Variants in RALGAPA2 observed in about 807,000 individuals in gnomAD.
RALGAPA2 encodes the protein ral GTPase-activating protein subunit alpha-2.
A neutral mutation model predicts 230.4 loss-of-function variants in RALGAPA2; 139 were observed. That is an observed-to-expected ratio of 0.60 (90% confidence interval 0.53 to 0.69). The LOEUF is 0.69. Ranked by LOEUF, RALGAPA2 falls within the 30% of genes least tolerant of loss-of-function variation. The probability of loss-of-function intolerance (pLI) is 0.00; values close to 1 mark genes in which losing one functional copy is unlikely to be tolerated. For missense variants in RALGAPA2, 2,163 were observed against 2,276.0 expected, an observed-to-expected ratio of 0.95 and a Z score of 1.01; for synonymous variants, 847 against 837.8, an observed-to-expected ratio of 1.01 and a Z score of -0.19.
intron 36 of RALGAPA2, among the ~76,000 whole-genome samples, chr20:20,484,524 C>T (rs183016382): frequency 6.6e-6 from 1 of 152,168 alleles, no homozygotes; most frequent in Non-Finnish European, 1.5e-5. Flanking sequence ...GAGCCAGACA[C>T]GGAAAGGGAT....
At chr20:20,605,478 A>C in intron 14 of RALGAPA2, 66 bp from the exon 15 acceptor site, 1 of 1,164,580 alleles carries the variant, frequency 8.6e-7, no homozygotes, top group Non-Finnish European at 1.2e-6. Context: ...CTTTTAAACA[A>C]AATGTTTTAA....
intron 37 of RALGAPA2, among the ~76,000 whole-genome samples, chr20:20,423,448 T>C (rs893100121): frequency 5.9e-5 from 9 of 152,244 alleles, no homozygotes; most frequent in African/African-American, 1.9e-4. Context: ...GAGACAGCCA[T>C]TTCCCAGATC....
intron 16 of RALGAPA2, among the ~76,000 whole-genome samples, chr20:20,598,059 G>C (rs1953022486): frequency 6.6e-6 from 1 of 152,120 alleles, no homozygotes; most frequent in African/African-American, 2.4e-5. Flanking sequence ...TTGGTGCTAT[G>C]ATATCTTAAT....
At chr20:20,427,692 C>A (rs2060415914) in intron 37 of RALGAPA2, among the ~76,000 whole-genome samples, 1 of 152,054 alleles carries the variant, frequency 6.6e-6, no homozygotes, top group African/African-American at 2.4e-5. Flanking sequence ...ACTGTCATAC[C>A]AGTGACCGCA....
At chr20:20,636,670 C>A (rs568601776) in intron 8 of RALGAPA2, among the ~76,000 whole-genome samples, 3 of 152,164 alleles carry the variant, frequency 2.0e-5, no homozygotes, top group Admixed American at 1.3e-4. Context: ...TCACCACTTC[C>A]CCTCCAAAAC....
intron 38 of RALGAPA2, among the ~76,000 whole-genome samples, chr20:20,407,404 A>C (rs560661033): frequency 1.3e-5 from 2 of 152,266 alleles, no homozygotes; most frequent in East Asian, 3.9e-4. Flanking sequence ...TGTTTCTGGG[A>C]ATTAACTTGA....
At chr20:20,651,911 T>C (rs1453787254) in intron 4 of RALGAPA2, among the ~76,000 whole-genome samples, 3 of 152,240 alleles carry the variant, frequency 2.0e-5, no homozygotes, top group Non-Finnish European at 4.4e-5. Context: ...GATGTCTCTT[T>C]GGATTATACC....
At chr20:20,522,627 C>T (rs2063078605) in intron 30 of RALGAPA2, among the ~76,000 whole-genome samples, 1 of 152,144 alleles carries the variant, frequency 6.6e-6, no homozygotes, top group African/African-American at 2.4e-5. Context: ...CTGATCTGGA[C>T]TCTGATTTTA....
intron 18 of RALGAPA2, among the ~76,000 whole-genome samples, chr20:20,588,800 T>C (rs189600094): frequency 2.6e-5 from 4 of 152,308 alleles, no homozygotes; most frequent in African/African-American, 4.8e-5. Flanking sequence ...GAATGAGTTA[T>C]GGGCTTATGT....
At chr20:20,482,975 G>A (rs2061816687) in intron 36 of RALGAPA2, among the ~76,000 whole-genome samples, 1 of 152,176 alleles carries the variant, frequency 6.6e-6, no homozygotes, top group Non-Finnish European at 1.5e-5. Context: ...TCATGTCCTG[G>A]TCATCCAAAT....
At chr20:20,462,698 A>T (rs1276844544) in intron 37 of RALGAPA2, among the ~76,000 whole-genome samples, 1 of 152,188 alleles carries the variant, frequency 6.6e-6, no homozygotes, top group African/African-American at 2.4e-5. Flanking sequence ...AATTTACTTG[A>T]GTGTGTTGCA....
chr20:20,691,308 C>CT (rs956396212), intron 1 of RALGAPA2, among the ~76,000 whole-genome samples: 8 of 152,146 alleles, frequency 5.3e-5, no homozygotes, highest in African/African-American at 1.2e-4. Flanking sequence ...CACAGTTCCT[C>CT]TTTTTAGTCA....
At chr20:20,559,118 A>C (rs1250471741) in intron 23 of RALGAPA2, among the ~76,000 whole-genome samples, 2 of 152,242 alleles carry the variant, frequency 1.3e-5, no homozygotes, top group Non-Finnish European at 2.9e-5. Context: ...AAGAAAACAC[A>C]AAATGCATGC....
At chr20:20,505,174 C>T in intron 34 of RALGAPA2, 2 of 984,904 alleles carry the variant, frequency 2.0e-6, no homozygotes, top group Non-Finnish European at 2.4e-6. Context: ...CTATTCAGTT[C>T]TGATAAAAAG....
rs182323658 is a variant in RALGAPA2, at chr20:20,398,100, G to A, written c.5618-1366C>T. On this transcript the variant is annotated intron_variant, in intron 38 of 39. Transcript: ENST00000202677. The surrounding 1 kb of genome is among the most constrained non-coding windows in gnomAD (Gnocchi z 4.5). ...TGAAGGGCCCCCATTTCCTCTCATGGAAGAGGGCAAACATAGAGCATATCT... is the reference window on the plus strand; with the variant it reads ...TGAAGGGCCCCCATTTCCTCTCATGAAAGAGGGCAAACATAGAGCATATCT... Among the ~76,000 whole-genome samples, 97 of 152,282 alleles carry A rather than the reference G, an allele frequency of 6.4e-4. No homozygotes were observed. Among genetic ancestry groups the A allele is most frequent in the African/African-American group, 1.5e-3 (61 of 41,544 alleles).
At chr20:20,677,150 C>T (rs900670930) in intron 2 of RALGAPA2, among the ~76,000 whole-genome samples, 1 of 152,126 alleles carries the variant, frequency 6.6e-6, no homozygotes, top group East Asian at 1.9e-4. Context: ...AGACAACAAT[C>T]CCTGCCCCCA....
At chr20:20,487,255 T>C (rs1219428206) in intron 36 of RALGAPA2, among the ~76,000 whole-genome samples, 1 of 152,232 alleles carries the variant, frequency 6.6e-6, no homozygotes, top group Admixed American at 6.5e-5. Context: ...GCTGTAGATG[T>C]CAGAGGTTAA....
At chr20:20,509,660 CCTGGGAGACAG>C (rs772623198) in intron 33 of RALGAPA2, among the ~76,000 whole-genome samples, 2 of 151,694 alleles carry the variant, frequency 1.3e-5, no homozygotes, top group African/African-American at 2.4e-5. Context: ...CGCTCAGTGA[CCTGGGAGACAG>C]GTGGGAAAGT....
intron 1 of RALGAPA2, among the ~76,000 whole-genome samples, chr20:20,690,421 T>TAC (rs1479535637): frequency 6.6e-6 from 1 of 152,024 alleles, no homozygotes; most frequent in Non-Finnish European, 1.5e-5. Flanking sequence ...ACCCCCTAGG[T>TAC]ACACATCAGG....
Sources: gnomAD v4.1 joint callset for allele counts (sites outside exome capture counted in the v4.1 genomes callset) on GRCh38, gnomAD v4.1.1 for gene constraint, Gnocchi (gnomAD v3.1) non-coding constraint, MANE v1.5 for transcripts, NCBI Gene and HGNC (gene_info 2026-07-23, HGNC 2026-07-21) for gene names.